The following ARFIP1 variants were observed in gnomAD, a reference collection of about 807,000 sequenced individuals.
ARFIP1 encodes the protein ARF interacting protein 1.
ARFIP1 carries 24 observed loss-of-function variants against 42.5 expected under a neutral mutation model. The ratio of observed to expected loss-of-function variants is 0.57; its 90% CI spans 0.41 to 0.80. The LOEUF (loss-of-function observed/expected upper bound fraction) is 0.80. ARFIP1 is among the 30% of genes least tolerant of loss of function. ARFIP1 has a pLI of 0.00. For synonymous variants in ARFIP1, 141 were observed against 153.7 expected, an observed-to-expected ratio of 0.92 and a Z score of 0.61; for missense variants, 354 against 434.0, an observed-to-expected ratio of 0.82 and a Z score of 1.64.
chr4:152,800,241 T>G (rs1374266320), intron 1 of ARFIP1, among the ~76,000 whole-genome samples: 1 of 152,210 alleles, frequency 6.6e-6, no homozygotes, highest in South Asian at 2.1e-4. Context: ...TTAAAACTTA[T>G]GGGTCAGATT....
intron 8 of ARFIP1, among the ~76,000 whole-genome samples, chr4:152,908,501 T>C (rs1298466637): frequency 6.6e-6 from 1 of 151,980 alleles, no homozygotes; most frequent in Non-Finnish European, 1.5e-5. Context: ...TCCCAGCTAC[T>C]TGGGAGGCAG....
intron 2 of ARFIP1, among the ~76,000 whole-genome samples, chr4:152,838,991 G>A (rs766173731): frequency 6.6e-6 from 1 of 152,162 alleles, no homozygotes; most frequent in Non-Finnish European, 1.5e-5. Flanking sequence ...TAATCATAAA[G>A]TGATGCTGGA....
At chr4:152,796,404 T>C (rs1197606544) in intron 1 of ARFIP1, 1 of 738,920 alleles carries the variant, frequency 1.4e-6, no homozygotes, top group Non-Finnish European at 2.5e-6. Context: ...ACCATCCTCT[T>C]CCATGCCTTC....
rs764318893 is a variant in ARFIP1, at chr4:152,840,713, C to CTTT, written c.93+11007_93+11009dup. On this transcript the variant is annotated intron_variant, in intron 2 of 8. Coordinates refer to ENST00000353617, the MANE Select transcript of ARFIP1 (RefSeq NM_001025595.3). ...TCTTATCCATTCTGTGGCTCTGTAT[C>CTTT]TTTTTTTTTTTTTTTTTTTTTTGAG... 3.8e-3 allele frequency among the ~76,000 whole-genome samples: 411 copies of CTTT among 107,670 alleles called. 4 individuals are homozygous for CTTT. Among genetic ancestry groups the CTTT allele is most frequent in the Middle Eastern group, 9.8e-3 (2 of 204 alleles). The allele number at this position is 107,670 out of a possible 152,430, so 70.6% of individuals were successfully genotyped here. A position where few individuals can be genotyped will look rare whatever the true frequency, so the allele number is the denominator to read the frequency against.
chr4:152,867,547 G>T (rs192133711), intron 3 of ARFIP1, among the ~76,000 whole-genome samples: 2 of 152,128 alleles, frequency 1.3e-5, no homozygotes, highest in Admixed American at 6.5e-5. Context: ...GAGGGGAGAG[G>T]GGAGAGGGTC....
chr4:152,889,790 TTATATACTATACTATATACTATA>T (rs1561173630), intron 8 of ARFIP1, among the ~76,000 whole-genome samples: 62 of 20,758 alleles, frequency 3.0e-3, no homozygotes, highest in African/African-American at 0.012. Flanking sequence ...ATACTATATA[TTATATACTATACTATATACTATA>T]TATATACTAT....
At chr4:152,858,022 T>G (rs971391665) in intron 2 of ARFIP1, among the ~76,000 whole-genome samples, 3 of 152,202 alleles carry the variant, frequency 2.0e-5, no homozygotes, top group African/African-American at 7.2e-5. Flanking sequence ...CCACCCCTGT[T>G]GGGTCACACC....
intron 2 of ARFIP1, among the ~76,000 whole-genome samples, chr4:152,841,984 G>C (rs1471957707): frequency 6.6e-6 from 1 of 152,162 alleles, no homozygotes; most frequent in African/African-American, 2.4e-5. Flanking sequence ...CAGCACTTGG[G>C]TTTTCCTGTT....
At chr4:152,852,008 A>T (rs1561142673) in intron 2 of ARFIP1, among the ~76,000 whole-genome samples, 2 of 152,240 alleles carry the variant, frequency 1.3e-5, no homozygotes, top group African/African-American at 4.8e-5. Context: ...AGCTTTTGCC[A>T]AAAGCATATT....
At chr4:152,812,672 C>T (rs890920147) in intron 1 of ARFIP1, among the ~76,000 whole-genome samples, 2 of 152,206 alleles carry the variant, frequency 1.3e-5, no homozygotes, top group Middle Eastern at 3.2e-3. Context: ...CACAAACATT[C>T]TCAAATTCAG....
chr4:152,823,033 G>T (rs572053069), intron 1 of ARFIP1, among the ~76,000 whole-genome samples: 95 of 151,442 alleles, frequency 6.3e-4, no homozygotes, highest in African/African-American at 2.3e-3. Flanking sequence ...GCTAGCAGAA[G>T]AAAAATAACA....
At chr4:152,846,832 CTG>C (rs1312058497) in intron 2 of ARFIP1, among the ~76,000 whole-genome samples, 1 of 151,978 alleles carries the variant, frequency 6.6e-6, no homozygotes, top group African/African-American at 2.4e-5. Context: ...AAAGTTTAGT[CTG>C]TTACATAAAA....
At chr4:152,861,456 TAAG>T (rs1733889193) in intron 2 of ARFIP1, among the ~76,000 whole-genome samples, 2 of 151,970 alleles carry the variant, frequency 1.3e-5, no homozygotes, top group African/African-American at 4.8e-5. Context: ...GTGAAAAACT[TAAG>T]GAAAAAAAGG....
chr4:152,819,436 A>T (rs1730177610), intron 1 of ARFIP1, among the ~76,000 whole-genome samples: 1 of 152,050 alleles, frequency 6.6e-6, no homozygotes, highest in South Asian at 2.1e-4. Context: ...TCCCACCCCC[A>T]TCGGAGCTGC....
intron 2 of ARFIP1, among the ~76,000 whole-genome samples, chr4:152,853,905 C>CTTTTTTTTTT (rs36055484): frequency 9.4e-5 from 7 of 74,740 alleles, no homozygotes; most frequent in African/African-American, 2.2e-4. Flanking sequence ...TTCTGAGATT[C>CTTTTTTTTTT]TTTTTTTTTT....
chr4:152,793,530 A>G (rs1731256631), intron 1 of ARFIP1, among the ~76,000 whole-genome samples: 1 of 151,996 alleles, frequency 6.6e-6, no homozygotes. Flanking sequence ...CCCAAACTCC[A>G]TATGTACTAA....
chr4:152,872,728 A>T (rs1734994768), intron 5 of ARFIP1, among the ~76,000 whole-genome samples, 164 bp downstream of exon 5: 1 of 152,174 alleles, frequency 6.6e-6, no homozygotes, highest in African/African-American at 2.4e-5. Flanking sequence ...TTTATCATTG[A>T]TCTTTGCATG....
chr4:152,846,381 GCA>G (rs113547637), intron 2 of ARFIP1, among the ~76,000 whole-genome samples: 101 of 151,272 alleles, frequency 6.7e-4, no homozygotes, highest in African/African-American at 2.3e-3. Context: ...GCACACACAC[GCA>G]CACACACACA....
intron 1 of ARFIP1, among the ~76,000 whole-genome samples, chr4:152,826,164 T>G (rs997902691): frequency 6.6e-6 from 1 of 152,106 alleles, no homozygotes; most frequent in African/African-American, 2.4e-5. Flanking sequence ...ATATCAAAAC[T>G]GCACATAGGT....
Sources: allele counts gnomAD v4.1 joint callset (sites outside exome capture counted in the v4.1 genomes callset), GRCh38; gene constraint gnomAD v4.1.1; transcripts MANE v1.5; gene names NCBI Gene and HGNC (gene_info 2026-07-23, HGNC 2026-07-21).